The following ZDHHC15 variants were observed in gnomAD, a reference collection of about 807,000 sequenced individuals.
ZDHHC15 encodes the protein palmitoyltransferase ZDHHC15.
A neutral mutation model predicts 31.7 loss-of-function variants in ZDHHC15; 19 were observed. That is an observed-to-expected ratio of 0.60 (90% CI 0.42 to 0.88). The LOEUF (loss-of-function observed/expected upper bound fraction) is 0.88. Among genes scored for constraint, ZDHHC15 ranks in the 40% least tolerant of loss-of-function variants. The pLI, the probability that ZDHHC15 is intolerant of heterozygous loss-of-function variation, is 0.00. For missense variants in ZDHHC15, 209 were observed against 251.2 expected, an observed-to-expected ratio of 0.83 and a Z score of 1.14; for synonymous variants, 103 against 90.0, an observed-to-expected ratio of 1.14 and a Z score of -0.82.
intron 4 of ZDHHC15, among the ~76,000 whole-genome samples, chrX:75,449,177 C>A (rs766113407): frequency 9.9e-5 from 10 of 101,461 alleles, no homozygotes; most frequent in African/African-American, 3.7e-4. Flanking sequence ...TTTGCTGATT[C>A]CTCATAATCT....
At chrX:75,400,167 T>C (rs1179073389) in intron 10 of ZDHHC15, among the ~76,000 whole-genome samples, 1 of 111,043 alleles carries the variant, frequency 9.0e-6, no homozygotes, top group Non-Finnish European at 1.9e-5. Flanking sequence ...GGAATATGCA[T>C]AGGAACAAAA....
chrX:75,470,956 C>T (rs2084494796), intron 3 of ZDHHC15, among the ~76,000 whole-genome samples: 1 of 112,060 alleles, frequency 8.9e-6, no homozygotes, highest in African/African-American at 3.2e-5. Context: ...TTGACAGATG[C>T]AGCGGTGGTG....
chrX:75,413,860 C>T (rs1010616), intron 10 of ZDHHC15, among the ~76,000 whole-genome samples: 8,582 of 108,427 alleles, frequency 0.079, 384 homozygotes, highest in Non-Finnish European at 0.12. Context: ...GCTTCACATA[C>T]AGGCAAGCTC....
At chrX:75,431,669 G>A in intron 4 of ZDHHC15, 149 bp from the exon 5 acceptor site, 1 of 407,030 alleles carries the variant, frequency 2.5e-6, no homozygotes, top group Non-Finnish European at 4.0e-6. Context: ...GACTACATAA[G>A]AGAATTGGGG....
At chrX:75,478,846 AC>A (rs1569351706) in intron 3 of ZDHHC15, 44 bp downstream of exon 3, 1 of 1,007,438 alleles carries the variant, frequency 9.9e-7, no homozygotes, top group Non-Finnish European at 1.4e-6. Flanking sequence ...TGTCACTTCT[AC>A]TTTTTTCTGT....
intron 1 of ZDHHC15, among the ~76,000 whole-genome samples, chrX:75,519,715 T>C (rs1236891469): frequency 8.9e-6 from 1 of 112,236 alleles, no homozygotes; most frequent in African/African-American, 3.2e-5. Flanking sequence ...GGTATGGCCT[T>C]GGTATCAGGC....
chrX:75,449,214 ACACACACACAC>A, intron 4 of ZDHHC15, among the ~76,000 whole-genome samples: 1 of 79,224 alleles, frequency 1.3e-5, no homozygotes, highest in Admixed American at 1.4e-4. Context: ...ACACACACAC[ACACACACACAC>A]ACACACACAC....
chrX:75,499,882 A>T (rs1291564492), intron 2 of ZDHHC15, among the ~76,000 whole-genome samples: 3 of 112,034 alleles, frequency 2.7e-5, no homozygotes. Context: ...ATATGAAACC[A>T]GCCCAAATGC....
At chrX:75,491,817 G>C (rs944078373) in intron 2 of ZDHHC15, among the ~76,000 whole-genome samples, 1 of 111,191 alleles carries the variant, frequency 9.0e-6, no homozygotes, top group African/African-American at 3.3e-5. Flanking sequence ...GGAATGATCA[G>C]TACCAGCCAC....
intron 10 of ZDHHC15, among the ~76,000 whole-genome samples, chrX:75,394,285 AAAAACAAAAAC>A (rs1262278907): frequency 2.7e-5 from 3 of 111,797 alleles, no homozygotes; most frequent in Non-Finnish European, 3.8e-5. Context: ...GACAAAAAAC[AAAAACAAAAAC>A]AAAACAAAAC....
rs2083010705 is a variant in ZDHHC15 at position 75,372,076 on chromosome X, A to G, written c.*902T>C. ...ACTCTGAAAACCCTTAACAAAACCT[A>G]TGGGCCATAACTTAGGCTTATAGAT... On this transcript the variant is annotated 3_prime_UTR_variant, in exon 12 of 12. Coordinates refer to ENST00000373367, the MANE Select transcript of ZDHHC15 (RefSeq NM_144969.3). The G allele has an allele frequency of 8.9e-6, 1 of 111,857 alleles. No individual in the cohort carries two copies. The highest frequency in any genetic ancestry group is 1.9e-5 in the Non-Finnish European group (1 of 53,151). 9.2% of individuals were successfully genotyped at this position (111,857 alleles called of 1,213,427 possible).
chrX:75,400,931 G>T (rs2083349395), intron 10 of ZDHHC15, among the ~76,000 whole-genome samples: 1 of 111,850 alleles, frequency 8.9e-6, no homozygotes. Flanking sequence ...AAGCAATGTT[G>T]AAGTACTTCA....
At chrX:75,506,058 T>C (rs777743990) in intron 1 of ZDHHC15, among the ~76,000 whole-genome samples, 1 of 112,044 alleles carries the variant, frequency 8.9e-6, no homozygotes, top group East Asian at 2.8e-4. Context: ...TATCTTCCTT[T>C]GTCTTAAACC....
intron 3 of ZDHHC15, among the ~76,000 whole-genome samples, chrX:75,470,056 A>G (rs777241780): frequency 6.3e-5 from 7 of 111,571 alleles, no homozygotes; most frequent in African/African-American, 2.3e-4. Flanking sequence ...GATTGGACTG[A>G]GGGATGCAAA....
intron 11 of ZDHHC15, among the ~76,000 whole-genome samples, chrX:75,376,666 C>T (rs748926653): frequency 2.1e-4 from 23 of 111,763 alleles, no homozygotes; most frequent in Non-Finnish European, 4.3e-4. Flanking sequence ...AGAGTTCTTT[C>T]CTCATTGCTT....
chrX:75,382,652 CTA>C lies in ZDHHC15; in HGVS notation c.968-3456_968-3455del, dbSNP rs201623591. Among the ~76,000 whole-genome samples, 467 of 111,747 alleles carry C rather than the reference CTA, an allele frequency of 4.2e-3. 3 individuals carry two copies. The highest frequency in any genetic ancestry group is 0.014 in the African/African-American group (440 of 30,682). ...AATACACGAAGAAAGAAATTTGGTTCTATAATGTGGAAGATGAATCAATTTGC... is the reference window on the plus strand; with the variant it reads ...AATACACGAAGAAAGAAATTTGGTTCTAATGTGGAAGATGAATCAATTTGC... On this transcript the variant is annotated intron_variant, in intron 10 of 11. Transcript: ENST00000373367.
chrX:75,389,284 C>T (rs1014874471), intron 10 of ZDHHC15, among the ~76,000 whole-genome samples: 1 of 111,287 alleles, frequency 9.0e-6, no homozygotes, highest in Non-Finnish European at 1.9e-5. Flanking sequence ...GTCTAGGGCA[C>T]AAGGACTGCA....
At chrX:75,517,527 A>T (rs1400658613) in intron 1 of ZDHHC15, among the ~76,000 whole-genome samples, 1 of 98,177 alleles carries the variant, frequency 1.0e-5, no homozygotes, top group East Asian at 3.4e-4. Flanking sequence ...CATAGGTGCG[A>T]ATTGAACAAT....
chrX:75,379,050 T>C, intron 11 of ZDHHC15, 70 bp downstream of exon 11: 2 of 842,678 alleles, frequency 2.4e-6, no homozygotes, highest in Non-Finnish European at 3.5e-6. Context: ...ATTTCTTTTC[T>C]AGTTCTTCTC....
Sources: allele counts gnomAD v4.1 joint callset (sites outside exome capture counted in the v4.1 genomes callset), GRCh38; gene constraint gnomAD v4.1.1; transcripts MANE v1.5; gene names NCBI Gene and HGNC (gene_info 2026-07-23, HGNC 2026-07-21).